The following HECW1 variants were observed in gnomAD, a reference collection of about 807,000 sequenced individuals.
The protein encoded by HECW1 is HECT, C2 and WW domain containing E3 ubiquitin protein ligase 1.
A neutral mutation model predicts 182.3 loss-of-function variants in HECW1; 61 were observed. The ratio of observed to expected loss-of-function variants is 0.33; its 90% CI spans 0.27 to 0.41. The LOEUF (loss-of-function observed/expected upper bound fraction) is 0.41, where lower values mean the gene tolerates loss of function less well. Ranked by LOEUF, HECW1 falls within the 10% of genes least tolerant of loss-of-function variation. The pLI, the probability that HECW1 is intolerant of heterozygous loss-of-function variation, is 1.00. For missense variants in HECW1, 1,739 were observed against 2,108.9 expected, an observed-to-expected ratio of 0.82 and a Z score of 3.44; for synonymous variants, 859 against 832.6, an observed-to-expected ratio of 1.03 and a Z score of -0.55.
chr7:43,510,565 A>G (rs1172404054), intron 24 of HECW1, among the ~76,000 whole-genome samples: 1 of 152,220 alleles, frequency 6.6e-6, no homozygotes, highest in Non-Finnish European at 1.5e-5. Context: ...CAATTACAAT[A>G]CAATAGCTTA....
intron 6 of HECW1, 105 bp downstream of exon 6, chr7:43,361,085 T>TAC (rs1815841301): frequency 1.6e-6 from 1 of 640,706 alleles, no homozygotes; most frequent in Admixed American, 2.9e-5. Flanking sequence ...TGTGTGTGTG[T>TAC]GTGTACGTGT....
At chr7:43,270,557 C>A (rs1013229767) in intron 3 of HECW1, among the ~76,000 whole-genome samples, 2 of 152,160 alleles carry the variant, frequency 1.3e-5, no homozygotes, top group African/African-American at 4.8e-5. Flanking sequence ...CTACTGGTCA[C>A]ACTGACAAGC....
intron 2 of HECW1, among the ~76,000 whole-genome samples, chr7:43,195,055 C>A (rs1007669459): frequency 6.6e-6 from 1 of 152,018 alleles, no homozygotes; most frequent in African/African-American, 2.4e-5. Flanking sequence ...AGATTTTTTT[C>A]CCAAGACTTT....
intron 2 of HECW1, among the ~76,000 whole-genome samples, chr7:43,161,122 CTG>C (rs1381726424): frequency 6.6e-6 from 1 of 152,016 alleles, no homozygotes. Context: ...ACAGGTGGAA[CTG>C]TGTGTCATGA....
At chr7:43,500,281 G>C (rs1391909349) in intron 19 of HECW1, among the ~76,000 whole-genome samples, 1 of 151,916 alleles carries the variant, frequency 6.6e-6, no homozygotes, top group Non-Finnish European at 1.5e-5. Context: ...TGTATTGTTA[G>C]TAGAGACAAG....
At chr7:43,163,235 AAAG>A (rs1160060410) in intron 2 of HECW1, 1 of 152,426 alleles carries the variant, frequency 6.6e-6, no homozygotes, top group East Asian at 1.9e-4. Flanking sequence ...TATTGGAAGA[AAAG>A]AACGCAAATC....
In HECW1 at chr7:43,288,529, C is replaced by T. The variant is rs138989886; in HGVS notation, c.28-23234C>T. Among the ~76,000 whole-genome samples the T allele has an allele frequency of 1.9e-3, 288 of 152,280 alleles. 1 individual carries two copies. Among genetic ancestry groups the T allele is most frequent in the Admixed American group, 4.6e-3 (70 of 15,300 alleles). On this transcript the variant is annotated intron_variant, in intron 3 of 29. Transcript: ENST00000395891. ...ATATACAGACTAGAAGATGAGATGTCACAAGGCAGAGCTTTGAGGCCCCGC... is the reference window on the plus strand; with the variant it reads ...ATATACAGACTAGAAGATGAGATGTTACAAGGCAGAGCTTTGAGGCCCCGC...
Position 43,509,141 on chromosome 7 carries a change from C to T in HECW1, c.4019+20C>T. ...TGAGTGGTAAGCTCTATAATGTTCA[C>T]TTTCTTGTATTTGAAAGTTCTCCTC... On this transcript the variant is annotated intron_variant, in intron 24 of 29. Coordinates refer to ENST00000395891, the MANE Select transcript of HECW1 (RefSeq NM_015052.5). The T allele has an allele frequency of 6.2e-7, 1 of 1,605,516 alleles. No homozygotes were observed. The highest frequency in any genetic ancestry group is 8.5e-7 in the Non-Finnish European group (1 of 1,176,900).
chr7:43,543,421 C>T (rs970821169), intron 26 of HECW1, among the ~76,000 whole-genome samples: 5 of 152,114 alleles, frequency 3.3e-5, no homozygotes, highest in Non-Finnish European at 7.4e-5. Context: ...TGCTGTCTTA[C>T]GTATTTGAGA....
chr7:43,139,767 A>G (rs1787960864), intron 2 of HECW1, among the ~76,000 whole-genome samples: 1 of 151,834 alleles, frequency 6.6e-6, no homozygotes, highest in South Asian at 2.1e-4. Context: ...GTTTCTCTTA[A>G]TTGCTTTATT....
chr7:43,307,684 T>G (rs554446924), intron 3 of HECW1, among the ~76,000 whole-genome samples: 1 of 152,148 alleles, frequency 6.6e-6, no homozygotes, highest in East Asian at 1.9e-4. Context: ...CACTTGTGAA[T>G]GTCTGGGAGA....
intron 2 of HECW1, among the ~76,000 whole-genome samples, chr7:43,180,541 G>A (rs1425459898): frequency 1.3e-5 from 2 of 151,970 alleles, no homozygotes; most frequent in Non-Finnish European, 2.9e-5. Context: ...GACTACAGGT[G>A]CCCGCCACCA....
intron 5 of HECW1, 46 bp downstream of exon 5, chr7:43,320,788 C>A: frequency 1.5e-6 from 2 of 1,348,454 alleles, no homozygotes; most frequent in Non-Finnish European, 2.1e-6. Flanking sequence ...ATGGATGAAG[C>A]AGAATTCAAC....
At chr7:43,187,586 T>A (rs1022230803) in intron 2 of HECW1, among the ~76,000 whole-genome samples, 1 of 152,082 alleles carries the variant, frequency 6.6e-6, no homozygotes, top group Non-Finnish European at 1.5e-5. Flanking sequence ...AATATTCTTA[T>A]GTTGTTTGTG....
intron 26 of HECW1, among the ~76,000 whole-genome samples, chr7:43,543,216 G>A (rs1205027848): frequency 1.3e-5 from 2 of 152,092 alleles, no homozygotes; most frequent in Admixed American, 6.5e-5. Flanking sequence ...TCGTAACAGC[G>A]GTTGTTGTGA....
At chr7:43,315,491 T>C (rs940388785) in intron 4 of HECW1, among the ~76,000 whole-genome samples, 12 of 149,106 alleles carry the variant, frequency 8.0e-5, no homozygotes, top group South Asian at 2.1e-4. Context: ...TTATTATTAT[T>C]ATCATTATTA....
chr7:43,398,481 G>A (rs1238429229), intron 7 of HECW1, among the ~76,000 whole-genome samples: 1 of 152,150 alleles, frequency 6.6e-6, no homozygotes, highest in Admixed American at 6.5e-5. Flanking sequence ...GAATGCCAGA[G>A]GTCACAGGCA....
intron 2 of HECW1, among the ~76,000 whole-genome samples, chr7:43,215,034 ACTCTTC>A (rs1490321231): frequency 1.3e-5 from 2 of 151,938 alleles, no homozygotes; most frequent in Non-Finnish European, 1.5e-5. Flanking sequence ...TTATTCACTT[ACTCTTC>A]CTGCTCTCCT....
intron 24 of HECW1, among the ~76,000 whole-genome samples, chr7:43,539,030 CA>C (rs2081275382): frequency 6.6e-6 from 1 of 150,820 alleles, no homozygotes; most frequent in South Asian, 2.1e-4. Flanking sequence ...AGTTTGTAAC[CA>C]AAAAAAAGTG....
Sources: allele counts gnomAD v4.1 joint callset (sites outside exome capture counted in the v4.1 genomes callset), GRCh38; gene constraint gnomAD v4.1.1; transcripts MANE v1.5; gene names NCBI Gene and HGNC (gene_info 2026-07-23, HGNC 2026-07-21).